The following UFSP2 variants were observed in gnomAD, a reference collection of about 807,000 sequenced individuals.
UFSP2 encodes UFM1 specific peptidase 2, also known as ufm1-specific protease 2.
A neutral mutation model predicts 60.2 loss-of-function variants in UFSP2; 43 were observed. The observed-to-expected ratio is 0.71, with a 90% CI of 0.56 to 0.92. The LOEUF is 0.92. Ranked by LOEUF, UFSP2 falls within the 40% of genes least tolerant of loss-of-function variation. The probability of loss-of-function intolerance (pLI) is 0.00; values close to 1 mark genes in which losing one functional copy is unlikely to be tolerated. For synonymous variants in UFSP2, 183 were observed against 195.1 expected (o/e 0.94, Z 0.52); for missense variants, 520 against 575.0 (o/e 0.90, Z 0.98).
At chr4:185,402,350 AAAGAG>A (rs1468098713) in intron 11 of UFSP2, 1 of 454,072 alleles carries the variant, frequency 2.2e-6, no homozygotes, top group African/African-American at 2.0e-5. Context: ...AAATGCTGTG[AAAGAG>A]AAAAGGAAAA....
In UFSP2 at chr4:185,422,510, C is replaced by T. The variant is rs1003627126; in HGVS notation, c.57G>A (p.Leu19=). Residue 19 remains leucine (L), a synonymous_variant, in exon 2 of 12, where the codon TTG becomes TTA. Transcript: ENST00000264689. ...ILFRIRGGLD[L]AFQLATPNEI... is the part of the protein sequence containing the mutation. ...CATTAGGAGTAGCTAGCTGAAAAGC[C>T]AAATCAAGGCCTCCTCTTATTCTGA... The T allele has an allele frequency of 1.2e-6, 2 of 1,611,068 alleles. No homozygotes were observed. The highest frequency in any genetic ancestry group is 2.7e-5 in the African/African-American group (2 of 74,632).
rs776941408 is a variant in UFSP2 at position 185,403,554 on chromosome 4, C to CT, written c.1262dup (p.Phe422ValfsTer12). On this transcript the variant is annotated frameshift_variant, in exon 11 of 12. Coordinates refer to ENST00000264689, the MANE Select transcript of UFSP2 (RefSeq NM_018359.5). LOFTEE classifies it high-confidence loss of function. Reference sequence around the variant, plus strand: ...TATAATGTGGATCTAGAATCAGAAACTTTATCTGCCCTGTAATCTCATTCC... The same window carrying CT: ...TATAATGTGGATCTAGAATCAGAAACTTTTATCTGCCCTGTAATCTCATTCC... The CT allele has an allele frequency of 6.2e-7, 1 of 1,614,182 alleles. No individual in the cohort carries two copies. The highest frequency in any genetic ancestry group is 8.5e-7 in the Non-Finnish European group (1 of 1,180,022).
At chr4:185,423,568 A>G (rs1450063705) in intron 1 of UFSP2, among the ~76,000 whole-genome samples, 5 of 152,226 alleles carry the variant, frequency 3.3e-5, no homozygotes, top group Admixed American at 2.6e-4. Context: ...TTGGTTAAAA[A>G]AAATAGGAAT....
At chr4:185,410,913 T>C (rs2095527985) in intron 7 of UFSP2, among the ~76,000 whole-genome samples, 1 of 136,570 alleles carries the variant, frequency 7.3e-6, no homozygotes, top group Admixed American at 8.3e-5. Flanking sequence ...GCCACTGCAC[T>C]CCAGCCTGGG....
chr4:185,420,659 C>T (rs995797038), intron 2 of UFSP2, among the ~76,000 whole-genome samples: 1 of 152,094 alleles, frequency 6.6e-6, no homozygotes, highest in South Asian at 2.1e-4. Flanking sequence ...AAAAGACAAA[C>T]ATAATTCTTA....
At chr4:185,408,595 T>C (rs1222293322) in intron 7 of UFSP2, among the ~76,000 whole-genome samples, 160 bp from the exon 8 acceptor site, 1 of 152,238 alleles carries the variant, frequency 6.6e-6, no homozygotes, top group Admixed American at 6.5e-5. Context: ...TTATACCTTC[T>C]TGGCTTTTTA....
chr4:185,413,831 A>C lies in UFSP2; in HGVS notation c.726T>G (p.Tyr242Ter), dbSNP rs1469078148. 1.2e-5 allele frequency: 20 copies of C among 1,613,374 alleles called. No homozygotes were observed. The highest frequency in any genetic ancestry group is 1.7e-5 in the Non-Finnish European group (20 of 1,179,648). ...DLFNLPHDRP[Y>*]FKRSNAYHFP... Reference sequence around the variant, plus strand: ...AGTGATAAGCATTAGACCTTTTGAAATAGGGTCTGTCGTGAGGCAGATTGA... The same window carrying C: ...AGTGATAAGCATTAGACCTTTTGAACTAGGGTCTGTCGTGAGGCAGATTGA... The change falls in exon 7 of 12, where the codon TAT becomes TAG. Residue 242 changes from tyrosine to a stop codon, truncating the protein, a stop_gained. Transcript: ENST00000264689. LOFTEE classifies it high-confidence loss of function.
chr4:185,404,411 T>A (rs1438898298), intron 10 of UFSP2, among the ~76,000 whole-genome samples: 1 of 145,988 alleles, frequency 6.8e-6, no homozygotes, highest in Non-Finnish European at 1.5e-5. Flanking sequence ...TTCTCCTGCC[T>A]CAGCCTCCTG....
At position 185,403,529 on chromosome 4, in the gene UFSP2, TATA is replaced by T. The variant is rs2095515800; in HGVS notation, c.1285_1287del (p.Tyr429del). On this transcript the variant is annotated inframe_deletion, in exon 11 of 12. Coordinates refer to ENST00000264689, the MANE Select transcript of UFSP2 (RefSeq NM_018359.5). Reference sequence around the variant, plus strand: ...ATAACTTGCAGGTCTTCAGCACCGGTATAATGTGGATCTAGAATCAGAAACTTT... The same window carrying T: ...ATAACTTGCAGGTCTTCAGCACCGGTATGTGGATCTAGAATCAGAAACTTT... The T allele has an allele frequency of 6.2e-7, 1 of 1,614,066 alleles. No individual in the cohort carries two copies. Among genetic ancestry groups the T allele is most frequent in the African/African-American group, 1.3e-5 (1 of 74,918 alleles).
intron 4 of UFSP2, among the ~76,000 whole-genome samples, chr4:185,417,060 A>G (rs953970711): frequency 1.3e-5 from 2 of 152,206 alleles, no homozygotes; most frequent in Admixed American, 1.3e-4. Flanking sequence ...TACCTTTACC[A>G]TGGAGAAAAC....
intron 7 of UFSP2, among the ~76,000 whole-genome samples, chr4:185,408,806 A>G (rs1455719605): frequency 6.6e-6 from 1 of 152,058 alleles, no homozygotes; most frequent in Non-Finnish European, 1.5e-5. Context: ...TTGCACTCTT[A>G]CTTCACTCAG....
At position 185,400,294 on chromosome 4, in the gene UFSP2, G is replaced by C. The variant is rs545090918; in HGVS notation, c.*98C>G. On this transcript the variant is annotated 3_prime_UTR_variant, in exon 12 of 12. Coordinates refer to ENST00000264689, the MANE Select transcript of UFSP2 (RefSeq NM_018359.5). ...TTTGAAAAAGGTCATAATTTAAATC[G>C]TCAAACTAGAACCAGGATTTAATGT... is the stretch of plus-strand genomic sequence containing the variant. The C allele has an allele frequency of 3.9e-5, 40 of 1,030,260 alleles. No homozygotes were observed. In the South Asian group the frequency reaches 6.1e-4, roughly 16 times the overall value. 63.8% of individuals were successfully genotyped at this position (1,030,260 alleles called of 1,614,324 possible).
intron 1 of UFSP2, 134 bp downstream of exon 1, chr4:185,425,732 T>A (rs2153298785): frequency 7.4e-7 from 1 of 1,360,008 alleles, no homozygotes. Context: ...AGAGCCGCCC[T>A]GCCCACGCAG....
At chr4:185,402,133 G>T in intron 11 of UFSP2, 3 of 275,674 alleles carry the variant, frequency 1.1e-5, no homozygotes, top group Non-Finnish European at 7.4e-6. Context: ...AGTCCTTTTT[G>T]CACTCTCCTT....
chr4:185,409,832 G>C (rs1187523216), intron 7 of UFSP2, among the ~76,000 whole-genome samples: 2 of 152,196 alleles, frequency 1.3e-5, no homozygotes, highest in African/African-American at 2.4e-5. Context: ...CATAGGAGGA[G>C]AAGGTAATGT....
At position 185,399,766 on chromosome 4, in the gene UFSP2, A is replaced by T; in HGVS notation, c.*626T>A. The T allele has an allele frequency of 6.2e-7, 1 of 1,614,070 alleles. No homozygotes were observed. The highest frequency in any genetic ancestry group is 1.6e-4 in the Middle Eastern group (1 of 6,062). On this transcript the variant is annotated 3_prime_UTR_variant, in exon 12 of 12. Coordinates refer to ENST00000264689, the MANE Select transcript of UFSP2 (RefSeq NM_018359.5). ...TGTAGAAAATACCAGTGGGAAAAGG[A>T]AGTGCTGGTAAGTAACTCAGAGCTG...
At chr4:185,405,962 G>GA (rs2095519889) in intron 9 of UFSP2, 106 bp from the exon 10 acceptor site, 1 of 1,571,524 alleles carries the variant, frequency 6.4e-7, no homozygotes, top group Non-Finnish European at 8.6e-7. Context: ...GGGTGTTACT[G>GA]AAAAAATATA....
chr4:185,423,830 G>A (rs2095553899), intron 1 of UFSP2, among the ~76,000 whole-genome samples: 1 of 151,762 alleles, frequency 6.6e-6, no homozygotes, highest in African/African-American at 2.4e-5. Flanking sequence ...ACACACACAC[G>A]AGAGAAAGAG....
Position 185,418,783 on chromosome 4 carries a change from A to G in UFSP2, c.83-13T>C, listed in dbSNP as rs749700475. The G allele has an allele frequency of 6.4e-7, 1 of 1,573,928 alleles. No homozygotes were observed. Among genetic ancestry groups the G allele is most frequent in the Non-Finnish European group, 8.6e-7 (1 of 1,165,590 alleles). On this transcript the variant is annotated splice_polypyrimidine_tract_variant and intron_variant, in intron 2 of 11. Transcript: ENST00000264689. Reference sequence around the variant, plus strand: ...TTGAGAAAAATTTCTAAATTAAAAGAATATAAATAGAAGTTAAGAAAAACA... The same window carrying G: ...TTGAGAAAAATTTCTAAATTAAAAGGATATAAATAGAAGTTAAGAAAAACA...
Sources: gnomAD v4.1 joint callset for allele counts (sites outside exome capture counted in the v4.1 genomes callset) on GRCh38, gnomAD v4.1.1 for gene constraint, MANE v1.5 for transcripts, NCBI Gene and HGNC (gene_info 2026-07-23, HGNC 2026-07-21) for gene names.